Variants in TPR observed in about 807,000 individuals in gnomAD.
The protein encoded by TPR is translocated promoter region, nuclear basket protein, also known as nucleoprotein TPR.
TPR carries 51 observed loss-of-function variants against 316.1 expected under a neutral mutation model. The observed-to-expected ratio is 0.16, with a 90% CI of 0.13 to 0.20. The LOEUF (loss-of-function observed/expected upper bound fraction) is 0.20. Among genes scored for constraint, TPR ranks in the 10% least tolerant of loss-of-function variants. The pLI is 1.00. For synonymous variants in TPR, 981 were observed against 914.7 expected, an observed-to-expected ratio of 1.07 and a Z score of -1.31; for missense variants, 2,272 against 2,754.8, an observed-to-expected ratio of 0.82 and a Z score of 3.92.
chr1:186,343,825 C>T, intron 26 of TPR, 81 bp downstream of exon 26: 1 of 1,210,034 alleles, frequency 8.3e-7, no homozygotes, highest in Non-Finnish European at 1.1e-6. Context: ...CGTGTATAAT[C>T]TCCTTCTCTA....
rs748792451 is a variant in TPR at position 186,340,998 on chromosome 1, A to G, written c.4020+30T>C. 5.6e-6 allele frequency: 9 copies of G among 1,592,986 alleles called. No homozygotes were observed. In the South Asian group the frequency reaches 5.8e-5, roughly 10 times the overall value. On this transcript the variant is annotated intron_variant, in intron 29 of 50. Coordinates refer to ENST00000367478, the MANE Select transcript of TPR (RefSeq NM_003292.3). The stretch of plus-strand genomic sequence containing the variant: ...CCTATTATTAAAAACACGTGTTTCC[A>G]TGTTTTGGAAGAGTTTTAACTGCAT...
intron 41 of TPR, 84 bp from the exon 42 acceptor site, chr1:186,325,938 C>CACAACAAAAACAAATAAGTAACCATA: frequency 6.4e-7 from 1 of 1,558,722 alleles, no homozygotes; most frequent in Non-Finnish European, 8.7e-7. Flanking sequence ...CAAACCAAAC[C>CACAACAAAAACAAATAAGTAACCATA]ACAACAAAAA....
Position 186,363,347 on chromosome 1 carries a change from C to A in TPR, c.526G>T (p.Val176Phe), listed in dbSNP as rs1659249238. The A allele has an allele frequency of 6.2e-7, 1 of 1,610,846 alleles. No homozygotes were observed. The highest frequency in any genetic ancestry group is 8.5e-7 in the Non-Finnish European group (1 of 1,177,618). ...AGGAATCATCTGGTACTTGCCTTAA[C>A]AGAAACATCAGAAGCTTGAAGTTCA... is the stretch of plus-strand genomic sequence containing the variant. ...LDELQASDVSVKYREKRLEQE... is the reference protein window; with the variant it reads ...LDELQASDVSFKYREKRLEQE... Residue 176 changes from valine to phenylalanine, a missense_variant, in exon 5 of 51, where the codon GTT (valine) becomes TTT (phenylalanine). By Grantham distance (50) the Val-to-Phe change is conservative (BLOSUM62 -1). This residue lies in a region of TPR where 549 missense variants were observed against 598.6 expected (regional missense o/e 0.92). Coordinates refer to ENST00000367478, the MANE Select transcript of TPR (RefSeq NM_003292.3).
intron 27 of TPR, 192 bp downstream of exon 27, chr1:186,343,134 G>A (rs1658559132): frequency 3.7e-6 from 2 of 546,318 alleles, no homozygotes; most frequent in African/African-American, 3.9e-5. Context: ...TCTGAAACCA[G>A]GCAGTTTGGT....
Position 186,333,039 on chromosome 1 carries a change from C to T in TPR, c.5455+83G>A. The T allele has an allele frequency of 1.0e-5, 15 of 1,472,386 alleles. No homozygotes were observed. In the South Asian group the frequency reaches 2.0e-4, roughly 20 times the overall value. 91.2% of individuals were successfully genotyped at this position (1,472,386 alleles called of 1,614,324 possible). A position where few individuals can be genotyped will look rare whatever the true frequency, so the allele number is the denominator to read the frequency against. On this transcript the variant is annotated intron_variant, in intron 37 of 50. Coordinates refer to ENST00000367478, the MANE Select transcript of TPR (RefSeq NM_003292.3). ...TCTAACTTCATTTGTACAAAGAATA[C>T]TCAAGATATATATACTCAAGATACA... is the stretch of plus-strand genomic sequence containing the variant.
At chr1:186,340,828 T>C (rs529462267) in intron 29 of TPR, among the ~76,000 whole-genome samples, 200 bp downstream of exon 29, 15 of 152,104 alleles carry the variant, frequency 9.9e-5, no homozygotes, top group Admixed American at 9.8e-4. Flanking sequence ...GAAATATATA[T>C]AATATAACCA....
intron 4 of TPR, among the ~76,000 whole-genome samples, chr1:186,364,141 C>G (rs1409072145): frequency 6.6e-6 from 1 of 152,032 alleles, no homozygotes; most frequent in African/African-American, 2.4e-5. Context: ...AACTTGAAAT[C>G]TTTTGAAGTT....
intron 10 of TPR, among the ~76,000 whole-genome samples, 193 bp downstream of exon 10, chr1:186,360,572 A>G (rs1460969972): frequency 6.6e-6 from 1 of 152,086 alleles, no homozygotes; most frequent in Non-Finnish European, 1.5e-5. Context: ...TGTGTGATCA[A>G]ATGGTATTTA....
At chr1:186,334,616 A>AT (rs1658283121) in intron 35 of TPR, 83 bp from the exon 36 acceptor site, 2 of 1,397,596 alleles carry the variant, frequency 1.4e-6, no homozygotes, top group Non-Finnish European at 1.9e-6. Context: ...ATAGGTCTCC[A>AT]TTTTTTTGTT....
At chr1:186,348,682 A>C (rs1029118937) in intron 21 of TPR, among the ~76,000 whole-genome samples, 1 of 152,234 alleles carries the variant, frequency 6.6e-6, no homozygotes, top group Non-Finnish European at 1.5e-5. Context: ...CCCAGCTGTA[A>C]AATTCCTCTC....
chr1:186,326,682 T>C (rs180742356), intron 40 of TPR, among the ~76,000 whole-genome samples: 1 of 151,618 alleles, frequency 6.6e-6, no homozygotes, highest in Non-Finnish European at 1.5e-5. Context: ...ATACACTTTA[T>C]ATATAAAAAA....
intron 3 of TPR, among the ~76,000 whole-genome samples, chr1:186,370,722 T>C (rs1471772770): frequency 1.3e-5 from 2 of 152,138 alleles, no homozygotes; most frequent in African/African-American, 2.4e-5. Flanking sequence ...TGTATCACAT[T>C]TGATATAATA....
intron 4 of TPR, among the ~76,000 whole-genome samples, chr1:186,363,998 T>G (rs1361669128): frequency 6.6e-6 from 1 of 152,140 alleles, no homozygotes; most frequent in African/African-American, 2.4e-5. Context: ...CTCAAGTGTT[T>G]TGAGTGTCTG....
chr1:186,325,650 GC>G, intron 42 of TPR, 113 bp downstream of exon 42: 1 of 804,328 alleles, frequency 1.2e-6, no homozygotes, highest in East Asian at 2.7e-5. Flanking sequence ...TAGAACAGGG[GC>G]CAATCTCTTT....
rs1375336109 is a variant in TPR at position 186,337,007 on chromosome 1, T to G, written c.4506+6A>C. 3 of 1,613,696 alleles carry G rather than the reference T, an allele frequency of 1.9e-6. No homozygotes were observed. In the Admixed American group the frequency reaches 5.0e-5, roughly 27 times the overall value. ...AATTAGGAACAGACTGTTCTCACAC[T>G]CATACCTTCTGCAGATTCTCTACTT... On this transcript the variant is annotated splice_donor_region_variant and intron_variant, in intron 32 of 50. Coordinates refer to ENST00000367478, the MANE Select transcript of TPR (RefSeq NM_003292.3).
intron 43 of TPR, chr1:186,322,842 A>C: frequency 4.5e-6 from 2 of 445,318 alleles, no homozygotes; most frequent in Non-Finnish European, 8.2e-6. Context: ...CTTAAAACAG[A>C]TCTATGATAC....
rs969631726 is a variant in TPR, at chr1:186,358,720, C to T, written c.1390-70G>A. The T allele has an allele frequency of 3.2e-6, 4 of 1,264,006 alleles. No individual in the cohort carries two copies. The African/African-American group carries it at 6.0e-5, about 19-fold the overall frequency. The allele number at this position is 1,264,006 out of a possible 1,614,324, so 78.3% of individuals were successfully genotyped here. A position where few individuals can be genotyped will look rare whatever the true frequency, so the allele number is the denominator to read the frequency against. On this transcript the variant is annotated intron_variant, in intron 12 of 50. Transcript: ENST00000367478. ...GATTTATACAAGTAATAAAGACATA[C>T]AATACTCAAACACCACCAGTAATCA...
chr1:186,355,941 A>G (rs533207703), intron 15 of TPR, among the ~76,000 whole-genome samples, 173 bp from the exon 16 acceptor site: 158 of 152,186 alleles, frequency 1.0e-3, no homozygotes, highest in Non-Finnish European at 1.7e-3. Flanking sequence ...ATGTATTAAG[A>G]TTTTTTGATG....
intron 35 of TPR, 110 bp from the exon 36 acceptor site, chr1:186,334,643 G>T: frequency 1.7e-6 from 2 of 1,154,826 alleles, no homozygotes; most frequent in Non-Finnish European, 2.4e-6. Flanking sequence ...ATATTTCAGA[G>T]CCTTATTAAA....
Sources: allele counts gnomAD v4.1 joint callset (sites outside exome capture counted in the v4.1 genomes callset), GRCh38; gene constraint gnomAD v4.1.1; regional missense constraint gnomAD v4.1.1; transcripts MANE v1.5; gene names NCBI Gene and HGNC (gene_info 2026-07-23, HGNC 2026-07-21).